BRAF: variants seen among roughly 807,000 people sequenced by gnomAD.
BRAF encodes the protein serine/threonine-protein kinase B-raf.
BRAF carries 16 observed loss-of-function variants against 104.6 expected under a neutral mutation model. That is an observed-to-expected ratio of 0.15 (90% CI 0.10 to 0.23). The LOEUF (loss-of-function observed/expected upper bound fraction) is 0.23. BRAF is among the 10% of genes least tolerant of loss of function. The pLI is 1.00. For missense variants in BRAF, 541 were observed against 937.3 expected (o/e 0.58, Z 5.52); for synonymous variants, 310 against 341.6 (o/e 0.91, Z 1.02).
intron 14 of BRAF, among the ~76,000 whole-genome samples, chr7:140,762,603 GT>G (rs774057622): frequency 0.21 from 20,322 of 96,196 alleles, 2,332 homozygotes; most frequent in African/African-American, 0.39. Context: ...TCCAGGAGCT[GT>G]TTTTTTTTTT....
chr7:140,832,109 T>C (rs895733274), intron 3 of BRAF, among the ~76,000 whole-genome samples: 5 of 152,360 alleles, frequency 3.3e-5, no homozygotes, highest in African/African-American at 1.2e-4. Context: ...TTATTATTCT[T>C]TTTACATATC....
chr7:140,896,546 T>C (rs548702623), intron 1 of BRAF, among the ~76,000 whole-genome samples: 1 of 151,952 alleles, frequency 6.6e-6, no homozygotes, highest in African/African-American at 2.4e-5. Flanking sequence ...CTGGCCAACA[T>C]GGTGAAATCC....
intron 3 of BRAF, among the ~76,000 whole-genome samples, chr7:140,822,687 T>C (rs1805613906): frequency 1.3e-5 from 2 of 152,222 alleles, no homozygotes. Context: ...TTTATGGACA[T>C]TTGGGTTATT....
intron 19 of BRAF, among the ~76,000 whole-genome samples, chr7:140,728,615 A>C (rs943517692): frequency 4.6e-5 from 7 of 152,106 alleles, no homozygotes; most frequent in Admixed American, 6.5e-5. Context: ...GTATAATCAT[A>C]GGAGGCTATT....
At chr7:140,848,737 T>C (rs902616461) in intron 2 of BRAF, among the ~76,000 whole-genome samples, 3 of 152,206 alleles carry the variant, frequency 2.0e-5, no homozygotes, top group Non-Finnish European at 2.9e-5. Context: ...AATATATGTA[T>C]AGAAGATAGC....
At chr7:140,818,434 T>C (rs1214310600) in intron 3 of BRAF, among the ~76,000 whole-genome samples, 2 of 151,780 alleles carry the variant, frequency 1.3e-5, no homozygotes, top group Non-Finnish European at 2.9e-5. Context: ...CGCCTCAGCC[T>C]CCCGAGTAGC....
intron 18 of BRAF, 27 bp from the exon 18 acceptor site, chr7:140,734,797 G>GAAAAAAAAAAAA (rs60814637): frequency 4.9e-5 from 55 of 1,129,964 alleles, no homozygotes; most frequent in South Asian, 1.8e-4. Flanking sequence ...AAAAAAAAAA[G>GAAAAAAAAAAAA]AAAAAAAAAG....
chr7:140,735,470 G>A (rs1300797006), intron 18 of BRAF, among the ~76,000 whole-genome samples: 1 of 152,168 alleles, frequency 6.6e-6, no homozygotes, highest in African/African-American at 2.4e-5. Flanking sequence ...ATGTTTAAAG[G>A]GCTTGGCATA....
intron 13 of BRAF, 53 bp downstream of exon 12, chr7:140,777,938 A>G (rs372312599): frequency 5.2e-6 from 8 of 1,526,418 alleles, no homozygotes; most frequent in Non-Finnish European, 6.3e-6. Context: ...GGGAACCAGG[A>G]GCTAATAAAA....
chr7:140,795,891 CTT>C lies in BRAF; in HGVS notation c.981-1426_981-1425del, dbSNP rs1802446275. ...TTTATTTTTTCTGATTATTGAGAAA[CTT>C]TTGGTTTCTGACAGAGCTGTCTTTA... On this transcript the variant is annotated intron_variant, in intron 7 of 19. Coordinates refer to ENST00000644969, the MANE Select transcript of BRAF (RefSeq NM_001374258.1). Among the ~76,000 whole-genome samples the C allele has an allele frequency of 2.0e-5, 3 of 151,984 alleles. No individual in the cohort carries two copies. The South Asian group carries it at 6.2e-4, about 32-fold the overall frequency.
At chr7:140,750,196 A>G (rs531883969) in intron 16 of BRAF, among the ~76,000 whole-genome samples, 2 of 152,276 alleles carry the variant, frequency 1.3e-5, no homozygotes, top group East Asian at 3.9e-4. Context: ...CGTCTTCTGT[A>G]TTGTTTCATT....
intron 17 of BRAF, among the ~76,000 whole-genome samples, chr7:140,742,464 G>C (rs1193926183): frequency 6.6e-6 from 1 of 152,142 alleles, no homozygotes; most frequent in Admixed American, 6.5e-5. Flanking sequence ...AAAGTGCTGG[G>C]GTTACAGGTG....
chr7:140,906,474 C>T lies in BRAF; in HGVS notation c.138+18092G>A, dbSNP rs1411017640. Among the ~76,000 whole-genome samples the T allele has an allele frequency of 7.2e-5, 11 of 152,294 alleles. No individual in the cohort carries two copies. The East Asian group carries it at 2.1e-3, about 29-fold the overall frequency. ...GCCTCAGCCTCTCAAAGTACCATGC[C>T]CAGCTTCTTGTCACATATTTTAATT... On this transcript the variant is annotated intron_variant, in intron 1 of 19. Transcript: ENST00000644969.
rs563787974 is a variant in BRAF at position 140,774,488 on chromosome 7, AGT to A, written c.1814+2422_1814+2423del. ...TAATCCACCCACCTCGGCCTCCTAAAGTGTTGGGTTTACAGGCATGAGCCACT... is the reference window on the plus strand; with the variant it reads ...TAATCCACCCACCTCGGCCTCCTAAAGTTGGGTTTACAGGCATGAGCCACT... On this transcript the variant is annotated intron_variant, in intron 14 of 19. Coordinates refer to ENST00000644969, the MANE Select transcript of BRAF (RefSeq NM_001374258.1). Among the ~76,000 whole-genome samples, 16 of 152,146 alleles carry A rather than the reference AGT, an allele frequency of 1.1e-4. No individual in the cohort carries two copies. The South Asian group carries it at 1.5e-3, about 14-fold the overall frequency.
At chr7:140,863,594 A>G (rs1810634052) in intron 1 of BRAF, among the ~76,000 whole-genome samples, 1 of 152,152 alleles carries the variant, frequency 6.6e-6, no homozygotes, top group Non-Finnish European at 1.5e-5. Context: ...GTAATCCCCA[A>G]TGTTGGAGGT....
rs1798726983 is a variant in BRAF, at chr7:140,761,476, TC to T, written c.1815-7244del. Among the ~76,000 whole-genome samples the T allele has an allele frequency of 4.6e-5, 7 of 150,686 alleles. 1 individual carries two copies. Among genetic ancestry groups the T allele is most frequent in the Admixed American group, 4.6e-4 (7 of 15,134 alleles). On this transcript the variant is annotated intron_variant, in intron 14 of 19. Transcript: ENST00000644969. ...CCATCGAGACTAGGAAGAAACTGCA[TC>T]AACTAACGAGCAAAATAACCAGCTA... is the stretch of plus-strand genomic sequence containing the variant.
At chr7:140,774,599 C>T (rs1442157108) in intron 14 of BRAF, among the ~76,000 whole-genome samples, 2 of 152,186 alleles carry the variant, frequency 1.3e-5, no homozygotes, top group South Asian at 4.1e-4. Context: ...TCCTTGCATC[C>T]TCACACTCCT....
At chr7:140,738,622 T>C (rs62487902) in intron 18 of BRAF, among the ~76,000 whole-genome samples, 22,975 of 152,164 alleles carry the variant, frequency 0.15, 2,785 homozygotes, top group African/African-American at 0.34. Context: ...GATATTTTTG[T>C]TTTGTTTTGT....
At chr7:140,769,049 A>G (rs1035563947) in intron 14 of BRAF, among the ~76,000 whole-genome samples, 11 of 152,054 alleles carry the variant, frequency 7.2e-5, no homozygotes, top group African/African-American at 2.7e-4. Context: ...GTATTCTGTT[A>G]TAGTAAAGAA....
Sources: allele counts gnomAD v4.1 joint callset (sites outside exome capture counted in the v4.1 genomes callset), GRCh38; gene constraint gnomAD v4.1.1; transcripts MANE v1.5; gene names NCBI Gene and HGNC (gene_info 2026-07-23, HGNC 2026-07-21).